Variants in SLC9B1 observed in about 807,000 individuals in gnomAD.
The protein encoded by SLC9B1 is solute carrier family 9 member B1.
Under a neutral mutation model 51.7 loss-of-function variants are expected in SLC9B1, and 32 were observed. The observed-to-expected ratio is 0.62, with a 90% CI of 0.47 to 0.83. The LOEUF is 0.83. Among genes scored for constraint, SLC9B1 ranks in the 40% least tolerant of loss-of-function variants. The probability of loss-of-function intolerance (pLI) is 0.00; values close to 1 mark genes in which losing one functional copy is unlikely to be tolerated. For missense variants in SLC9B1, 406 were observed against 613.2 expected, an observed-to-expected ratio of 0.66 and a Z score of 3.57; for synonymous variants, 145 against 212.7, an observed-to-expected ratio of 0.68 and a Z score of 2.77.
intron 1 of SLC9B1, among the ~76,000 whole-genome samples, chr4:102,993,249 T>C (rs910189552): frequency 1.3e-5 from 2 of 152,054 alleles, no homozygotes; most frequent in Non-Finnish European, 2.9e-5. Context: ...GCCTATAAAA[T>C]CGAAAGGAAG....
At chr4:102,975,166 T>C (rs1446727722) in intron 3 of SLC9B1, among the ~76,000 whole-genome samples, 1 of 152,148 alleles carries the variant, frequency 6.6e-6, no homozygotes, top group African/African-American at 2.4e-5. Context: ...AATGCCTAGC[T>C]AATTTTAAAA....
intron 1 of SLC9B1, among the ~76,000 whole-genome samples, chr4:103,017,566 C>T (rs780833489): frequency 2.6e-5 from 4 of 152,184 alleles, no homozygotes; most frequent in Admixed American, 6.5e-5. Context: ...TTCTTTCCTT[C>T]CTTAGGGCTC....
intron 11 of SLC9B1, chr4:102,885,390 T>C: frequency 6.2e-7 from 1 of 1,614,090 alleles, no homozygotes; most frequent in Non-Finnish European, 8.5e-7. Flanking sequence ...GATTTGTGTC[T>C]TACTAAAGCA....
chr4:102,942,687 C>G (rs1737063637), intron 6 of SLC9B1, among the ~76,000 whole-genome samples: 2 of 152,224 alleles, frequency 1.3e-5, no homozygotes, highest in East Asian at 1.9e-4. Flanking sequence ...CAAGATGGAT[C>G]AAAGACTTAA....
At chr4:102,898,326 A>G (rs1400735129), downstream of SLC9B1, 2 of 323,562 alleles carry the variant, frequency 6.2e-6, no homozygotes, top group Non-Finnish European at 1.2e-5. Context: ...TATGGAAAAA[A>G]TTTGTAAAGT....
chr4:102,945,143 A>G, intron 6 of SLC9B1, 50 bp downstream of exon 6: 1 of 1,483,608 alleles, frequency 6.7e-7, no homozygotes, highest in Non-Finnish European at 9.1e-7. Context: ...AGTTTTAATG[A>G]AGCATCCTTA....
At chr4:102,945,436 C>T (rs1283601528) in intron 5 of SLC9B1, 116 bp from the exon 6 acceptor site, 3 of 1,108,288 alleles carry the variant, frequency 2.7e-6, no homozygotes, top group Non-Finnish European at 3.7e-6. Flanking sequence ...TAAACGAAAT[C>T]TCATTTCAAC....
chr4:103,018,466 GA>G, intron 1 of SLC9B1, among the ~76,000 whole-genome samples: 1 of 152,292 alleles, frequency 6.6e-6, no homozygotes, highest in East Asian at 1.9e-4. Flanking sequence ...GGCACACAGT[GA>G]CTAAAATATT....
At chr4:102,906,954 C>T (rs1578335412) in intron 9 of SLC9B1, among the ~76,000 whole-genome samples, 1 of 152,210 alleles carries the variant, frequency 6.6e-6, no homozygotes, top group African/African-American at 2.4e-5. Context: ...GAACTCCTGT[C>T]CTCAAGTGGT....
chr4:102,931,007 G>C (rs1214243483), intron 7 of SLC9B1, among the ~76,000 whole-genome samples: 1 of 151,946 alleles, frequency 6.6e-6, no homozygotes, highest in Non-Finnish European at 1.5e-5. Flanking sequence ...GGCGGATCAT[G>C]AGGTCAGGAG....
chr4:102,985,035 A>C (rs1002923534), intron 3 of SLC9B1, among the ~76,000 whole-genome samples: 4 of 152,156 alleles, frequency 2.6e-5, no homozygotes, highest in African/African-American at 9.7e-5. Flanking sequence ...AAGGATTGTC[A>C]TGTCTTTTTG....
chr4:102,995,887 A>C (rs1348699669), intron 1 of SLC9B1, among the ~76,000 whole-genome samples: 1 of 152,182 alleles, frequency 6.6e-6, no homozygotes, highest in Non-Finnish European at 1.5e-5. Context: ...ACTTAACATG[A>C]ATCATCTTCC....
At chr4:102,935,865 A>G (rs6533037) in intron 6 of SLC9B1, among the ~76,000 whole-genome samples, 83,227 of 152,044 alleles carry the variant, frequency 0.55, 23,357 homozygotes, top group African/African-American at 0.68. Context: ...GCCCTGGCTG[A>G]CCCATGCAAG....
chr4:102,990,559 A>C (rs527826778), intron 2 of SLC9B1, among the ~76,000 whole-genome samples: 1 of 150,746 alleles, frequency 6.6e-6, no homozygotes, highest in Non-Finnish European at 1.5e-5. Flanking sequence ...ACTTCTTCCA[A>C]TGTAAAAAAC....
intron 7 of SLC9B1, among the ~76,000 whole-genome samples, chr4:102,915,453 G>A (rs934832357): frequency 6.6e-6 from 1 of 152,090 alleles, no homozygotes; most frequent in Non-Finnish European, 1.5e-5. Flanking sequence ...GGAGTGCAGT[G>A]GTTTGATCAC....
intron 3 of SLC9B1, among the ~76,000 whole-genome samples, chr4:102,985,907 T>C (rs984491483): frequency 6.6e-6 from 1 of 152,186 alleles, no homozygotes; most frequent in Non-Finnish European, 1.5e-5. Flanking sequence ...CTCCCTCCCA[T>C]TTCTTGTATT....
intron 3 of SLC9B1, among the ~76,000 whole-genome samples, chr4:102,986,730 G>T (rs1291173696): frequency 6.6e-6 from 1 of 152,064 alleles, no homozygotes; most frequent in Non-Finnish European, 1.5e-5. Context: ...CAAGCCCGGA[G>T]ATTCTTTCTC....
In SLC9B1 at chr4:102,894,561, A is replaced by C. The variant is rs1378521583; in HGVS notation, c.1333-9233T>G. Among the ~76,000 whole-genome samples, 4 of 152,204 alleles carry C rather than the reference A, an allele frequency of 2.6e-5. No homozygotes were observed. The East Asian group carries it at 5.8e-4, about 22-fold the overall frequency. ...ACCTTGAAATGCTAGTGGTAAAAAT[A>C]TTCACAATAACAAAAATAATAAAGG... On this transcript the variant is annotated intron_variant, in intron 11 of 11. Transcript: ENST00000394789.
intron 6 of SLC9B1, 43 bp downstream of exon 6, chr4:102,945,150 C>A: frequency 6.6e-7 from 1 of 1,506,056 alleles, no homozygotes; most frequent in Non-Finnish European, 9.0e-7. Context: ...ATGAAGCATC[C>A]TTAATTGAAT....
Sources: gnomAD v4.1 joint callset for allele counts (sites outside exome capture counted in the v4.1 genomes callset) on GRCh38, gnomAD v4.1.1 for gene constraint, MANE v1.5 for transcripts, NCBI Gene and HGNC (gene_info 2026-07-23, HGNC 2026-07-21) for gene names.